ZC3HC1: variants seen among roughly 807,000 people sequenced by gnomAD.
ZC3HC1 encodes zinc finger C3HC-type containing 1.
Under a neutral mutation model 61.9 loss-of-function variants are expected in ZC3HC1, and 38 were observed. The ratio of observed to expected loss-of-function variants is 0.61; its 90% CI spans 0.47 to 0.81. The LOEUF (loss-of-function observed/expected upper bound fraction) is 0.81. Among genes scored for constraint, ZC3HC1 ranks in the 30% least tolerant of loss-of-function variants. ZC3HC1 has a pLI of 0.00. For missense variants in ZC3HC1, 554 were observed against 622.7 expected (o/e 0.89, Z 1.17); for synonymous variants, 213 against 229.9 (o/e 0.93, Z 0.67).
intron 2 of ZC3HC1, among the ~76,000 whole-genome samples, chr7:130,045,095 G>A (rs1794812154): frequency 2.0e-5 from 3 of 152,166 alleles, no homozygotes; most frequent in Admixed American, 2.0e-4. Flanking sequence ...TCTGAGGATT[G>A]GAGGGTAGTA....
At chr7:130,050,623 AC>A in intron 1 of ZC3HC1, 15 of 770,100 alleles carry the variant, frequency 1.9e-5, no homozygotes, top group Non-Finnish European at 2.5e-5. Flanking sequence ...TATTAGCAGT[AC>A]CTGCTAATTT....
intron 1 of ZC3HC1, chr7:130,050,596 T>C: frequency 9.7e-7 from 1 of 1,029,140 alleles, no homozygotes; most frequent in South Asian, 1.7e-5. Flanking sequence ...TGAATGAAGG[T>C]AAAAACACCA....
At chr7:130,041,152 G>A (rs199527150) in intron 2 of ZC3HC1, 51 bp from the exon 3 acceptor site, 9 of 1,186,102 alleles carry the variant, frequency 7.6e-6, no homozygotes, top group Non-Finnish European at 1.0e-5. Flanking sequence ...ATATGTGTGT[G>A]TATGTGTGTG....
intron 2 of ZC3HC1, chr7:130,045,464 T>C (rs937120286): frequency 2.2e-6 from 1 of 457,298 alleles, no homozygotes; most frequent in African/African-American, 2.0e-5. Flanking sequence ...GAGTAGAGTA[T>C]CCTCAGCTTC....
chr7:130,050,525 G>A (rs1795036436), intron 1 of ZC3HC1: 1 of 1,455,212 alleles, frequency 6.9e-7, no homozygotes. Context: ...CATAAACTTG[G>A]ATGGGTAAAA....
intron 5 of ZC3HC1, among the ~76,000 whole-genome samples, chr7:130,028,062 G>A (rs1346871912): frequency 6.8e-6 from 1 of 146,498 alleles, no homozygotes; most frequent in Non-Finnish European, 1.5e-5. Context: ...AGCTACTTGG[G>A]AGGCTGAGAC....
chr7:130,032,029 G>T (rs1201376657), intron 4 of ZC3HC1, among the ~76,000 whole-genome samples: 1 of 152,112 alleles, frequency 6.6e-6, no homozygotes, highest in African/African-American at 2.4e-5. Context: ...TTCAAGACCA[G>T]CCTGGCCAAC....
intron 9 of ZC3HC1, among the ~76,000 whole-genome samples, chr7:130,021,263 T>C (rs570518567): frequency 1.3e-5 from 2 of 152,286 alleles, no homozygotes; most frequent in East Asian, 3.9e-4. Context: ...CCTGTAACCC[T>C]AGAAAACCAT....
chr7:130,040,497 CA>C (rs35982469), intron 3 of ZC3HC1, among the ~76,000 whole-genome samples: 1,207 of 44,182 alleles, frequency 0.027, 5 homozygotes, highest in Non-Finnish European at 0.042. Context: ...GACTCCGTCT[CA>C]AAAAAAAAAA....
chr7:130,037,357 T>C (rs1794469659), intron 4 of ZC3HC1, among the ~76,000 whole-genome samples: 1 of 152,114 alleles, frequency 6.6e-6, no homozygotes, highest in Non-Finnish European at 1.5e-5. Flanking sequence ...GGCAGGAGAA[T>C]TGCTTGAACC....
At chr7:130,019,656 T>C (rs1793542609) in intron 9 of ZC3HC1, among the ~76,000 whole-genome samples, 1 of 152,082 alleles carries the variant, frequency 6.6e-6, no homozygotes, top group Non-Finnish European at 1.5e-5. Flanking sequence ...AGACAAAAGC[T>C]CTTGGTGAAT....
At chr7:130,049,590 G>A (rs1411169872) in intron 1 of ZC3HC1, among the ~76,000 whole-genome samples, 2 of 151,836 alleles carry the variant, frequency 1.3e-5, no homozygotes, top group East Asian at 1.9e-4. Flanking sequence ...TGTTGCCCAG[G>A]CTGGAGTGCA....
chr7:130,033,602 G>C (rs1200317734), intron 4 of ZC3HC1, among the ~76,000 whole-genome samples: 1 of 151,976 alleles, frequency 6.6e-6, no homozygotes, highest in Admixed American at 6.6e-5. Flanking sequence ...ACAGGCACGT[G>C]CCACCATGCC....
At chr7:130,037,451 A>AAAACAAAC (rs150885654) in intron 4 of ZC3HC1, among the ~76,000 whole-genome samples, 5 of 151,874 alleles carry the variant, frequency 3.3e-5, no homozygotes, top group South Asian at 2.1e-4. Context: ...CGTCTCAAGG[A>AAAACAAAC]AAACAAACAA....
intron 9 of ZC3HC1, among the ~76,000 whole-genome samples, chr7:130,019,814 T>G (rs1039259008): frequency 1.4e-5 from 2 of 139,220 alleles, no homozygotes; most frequent in Admixed American, 7.2e-5. Context: ...CACAGGTTTT[T>G]TTTTTTTTTT....
chr7:130,031,702 T>C (rs541428969), intron 4 of ZC3HC1, among the ~76,000 whole-genome samples: 1 of 152,162 alleles, frequency 6.6e-6, no homozygotes, highest in East Asian at 1.9e-4. Flanking sequence ...TGTGCAGGTA[T>C]AGAGCTATAC....
At chr7:130,042,008 T>TA (rs1426200270) in intron 2 of ZC3HC1, among the ~76,000 whole-genome samples, 1 of 152,150 alleles carries the variant, frequency 6.6e-6, no homozygotes, top group Non-Finnish European at 1.5e-5. Flanking sequence ...TTTATGTGTT[T>TA]AAAATGTTTA....
intron 4 of ZC3HC1, among the ~76,000 whole-genome samples, chr7:130,030,846 T>G (rs1227692740): frequency 6.6e-6 from 1 of 151,590 alleles, no homozygotes; most frequent in Non-Finnish European, 1.5e-5. Flanking sequence ...TTTTTTATAT[T>G]TTTAGTAGAG....
At chr7:130,019,355 G>A in intron 9 of ZC3HC1, among the ~76,000 whole-genome samples, 1 of 151,892 alleles carries the variant, frequency 6.6e-6, no homozygotes, top group East Asian at 1.9e-4. Flanking sequence ...GGCCTGCACT[G>A]GTTTTTCATT....
Sources: allele counts gnomAD v4.1 joint callset (sites outside exome capture counted in the v4.1 genomes callset), GRCh38; gene constraint gnomAD v4.1.1; transcripts MANE v1.5; gene names NCBI Gene and HGNC (gene_info 2026-07-23, HGNC 2026-07-21).